NAV2: variants seen among roughly 807,000 people sequenced by gnomAD.
The protein encoded by NAV2 is helicase, APC down-regulated 1.
Under a neutral mutation model 223.2 loss-of-function variants are expected in NAV2, and 54 were observed. The observed-to-expected ratio is 0.24, with a 90% CI of 0.19 to 0.30. The LOEUF is 0.30. Among genes scored for constraint, NAV2 ranks in the 10% least tolerant of loss-of-function variants. The pLI is 1.00. For missense variants in NAV2, 2,806 were observed against 3,147.5 expected, an observed-to-expected ratio of 0.89 and a Z score of 2.60; for synonymous variants, 1,279 against 1,239.3, an observed-to-expected ratio of 1.03 and a Z score of -0.67.
intron 12 of NAV2, among the ~76,000 whole-genome samples, chr11:20,038,331 G>C (rs971209601): frequency 1.3e-5 from 2 of 151,780 alleles, no homozygotes; most frequent in Non-Finnish European, 2.9e-5. Flanking sequence ...CATTGGGTAG[G>C]TTTTTTTTCC....
At chr11:19,431,279 G>A (rs1004541883) in intron 1 of NAV2, among the ~76,000 whole-genome samples, 2 of 152,214 alleles carry the variant, frequency 1.3e-5, no homozygotes, top group African/African-American at 4.8e-5. Context: ...GTAAGCGAAG[G>A]TAAGCAGTCA....
rs2045735721 is a variant in NAV2 at position 19,582,029 on chromosome 11, GT to G, written c.75+231005del. On this transcript the variant is annotated intron_variant, in intron 1 of 37. Transcript: ENST00000360655. ...CTCCACATCCTCTCCAGCTCCTGTT[GT>G]TTCCTGACTTTTTAATGATTGCCAT... 3.3e-5 allele frequency among the ~76,000 whole-genome samples: 5 copies of G among 152,282 alleles called. No homozygotes were observed. The South Asian group carries it at 1.0e-3, about 32-fold the overall frequency.
At chr11:20,106,197 A>ATGTGTGTGTGTG in intron 35 of NAV2, among the ~76,000 whole-genome samples, 1 of 24,492 alleles carries the variant, frequency 4.1e-5, no homozygotes, top group East Asian at 7.9e-4. Context: ...ATATATATAT[A>ATGTGTGTGTGTG]TATATATATA....
intron 10 of NAV2, among the ~76,000 whole-genome samples, chr11:19,965,870 A>T (rs1001230374): frequency 2.0e-5 from 3 of 152,236 alleles, no homozygotes; most frequent in Non-Finnish European, 4.4e-5. Flanking sequence ...CTTGGAAAAC[A>T]GCAGGGCTGG....
intron 35 of NAV2, among the ~76,000 whole-genome samples, chr11:20,106,554 CAAA>C (rs34470765): frequency 1.3e-3 from 127 of 94,900 alleles, no homozygotes; most frequent in Middle Eastern, 6.2e-3. Flanking sequence ...AGTGAGACTC[CAAA>C]AAAAAAAAAA....
chr11:19,397,629 A>G (rs563887528), intron 1 of NAV2, among the ~76,000 whole-genome samples: 6 of 152,242 alleles, frequency 3.9e-5, no homozygotes, highest in Admixed American at 6.5e-5. Context: ...ACAAACAAGT[A>G]TTGGTTTTAT....
At chr11:19,837,395 G>A (rs1165845146) in intron 2 of NAV2, among the ~76,000 whole-genome samples, 2 of 152,126 alleles carry the variant, frequency 1.3e-5, no homozygotes, top group Admixed American at 6.5e-5. Context: ...GAAATTTGAG[G>A]AGGAGCAGGA....
intron 1 of NAV2, among the ~76,000 whole-genome samples, chr11:19,728,773 T>C (rs1757746546): frequency 6.6e-6 from 1 of 152,230 alleles, no homozygotes; most frequent in South Asian, 2.1e-4. Context: ...CTGTTATATA[T>C]GGATAGAATC....
intron 1 of NAV2, among the ~76,000 whole-genome samples, chr11:19,635,318 C>T (rs572323867): frequency 2.6e-5 from 4 of 152,116 alleles, no homozygotes; most frequent in Non-Finnish European, 4.4e-5. Context: ...ATCAGATTTG[C>T]TTTTTAGACC....
In NAV2 at chr11:19,836,295, C is replaced by T. The variant is rs564072352; in HGVS notation, c.385+3694C>T. Among the ~76,000 whole-genome samples the T allele has an allele frequency of 2.4e-3, 367 of 152,056 alleles. 1 individual carries two copies. The highest frequency in any genetic ancestry group is 0.014 in the Middle Eastern group (4 of 294). On this transcript the variant is annotated intron_variant, in intron 2 of 37. Transcript: ENST00000349880. ...GATCTGGGCCAGGCGCGGTGGCTCA[C>T]GCCTGTAATCCCAGCACTTTGGGAG...
intron 6 of NAV2, among the ~76,000 whole-genome samples, chr11:19,903,744 A>G (rs536308467): frequency 3.3e-5 from 5 of 152,016 alleles, no homozygotes; most frequent in African/African-American, 1.2e-4. Context: ...TGTGTTTCCT[A>G]GAGGATCCTT....
At chr11:19,884,434 G>T in intron 5 of NAV2, 1 of 1,366,282 alleles carries the variant, frequency 7.3e-7, no homozygotes, top group Non-Finnish European at 1.0e-6. Flanking sequence ...CCTCTGTTCT[G>T]GCTGAGTTTG....
At chr11:19,647,158 C>T (rs532053747) in intron 1 of NAV2, among the ~76,000 whole-genome samples, 43 of 152,298 alleles carry the variant, frequency 2.8e-4, no homozygotes, top group African/African-American at 9.9e-4. Flanking sequence ...GCCCTCAGCA[C>T]TTAGAAAACC....
At chr11:19,619,207 T>C (rs1023299822) in intron 1 of NAV2, among the ~76,000 whole-genome samples, 1 of 151,760 alleles carries the variant, frequency 6.6e-6, no homozygotes, top group Non-Finnish European at 1.5e-5. Flanking sequence ...CGAATAGTGC[T>C]GCAATAAACA....
intron 1 of NAV2, among the ~76,000 whole-genome samples, chr11:19,446,853 G>C (rs1226394843): frequency 6.6e-6 from 1 of 152,190 alleles, no homozygotes; most frequent in East Asian, 1.9e-4. Context: ...CAACAGTGTG[G>C]AACAGATGTT....
At chr11:20,025,845 CT>C (rs951688468) in intron 11 of NAV2, among the ~76,000 whole-genome samples, 1 of 152,204 alleles carries the variant, frequency 6.6e-6, no homozygotes, top group Non-Finnish European at 1.5e-5. Context: ...ACTTAATCAT[CT>C]GTTTGAGAAT....
At chr11:19,372,871 T>C (rs1848519307) in intron 1 of NAV2, among the ~76,000 whole-genome samples, 1 of 152,234 alleles carries the variant, frequency 6.6e-6, no homozygotes, top group African/African-American at 2.4e-5. Context: ...ATTTTAACCT[T>C]AACCAGTATT....
Position 20,103,292 on chromosome 11 carries a change from G to T in NAV2, c.6455G>T (p.Cys2152Phe). Residue 2152 changes from cysteine to phenylalanine, a missense_variant, in exon 33 of 38, where the codon TGC (cysteine) becomes TTC (phenylalanine). This residue lies in a region of NAV2 where 824 missense variants were observed against 1,069.4 expected (regional missense o/e 0.77). Transcript: ENST00000349880. ...TACCTGTCCAACCTTGCTGACCAGT[G>T]CAACAGTGAGAACAATGCTGTGGAC... ...RQYLSNLADQCNSENNAVDMP... is the reference protein window; with the variant it reads ...RQYLSNLADQFNSENNAVDMP... 1 of 1,614,156 alleles carries T rather than the reference G, an allele frequency of 6.2e-7. No homozygotes were observed.
At chr11:19,858,666 T>C (rs1311588202) in intron 3 of NAV2, among the ~76,000 whole-genome samples, 1 of 152,232 alleles carries the variant, frequency 6.6e-6, no homozygotes, top group East Asian at 1.9e-4. Context: ...TAGCCAAAAC[T>C]ATTTGCCTAA....
Sources: allele counts gnomAD v4.1 joint callset (sites outside exome capture counted in the v4.1 genomes callset), GRCh38; gene constraint gnomAD v4.1.1; regional missense constraint gnomAD v4.1.1; transcripts MANE v1.5; gene names NCBI Gene and HGNC (gene_info 2026-07-23, HGNC 2026-07-21).